The following TMEM132D variants were observed in gnomAD, a reference collection of about 807,000 sequenced individuals.
TMEM132D encodes mature OL transmembrane protein.
In TMEM132D, 21 loss-of-function variants were observed where a neutral mutation model predicts 62.3. That is an observed-to-expected ratio of 0.34 (90% CI 0.24 to 0.49). The LOEUF (loss-of-function observed/expected upper bound fraction) is 0.49, where lower values mean the gene tolerates loss of function less well. Ranked by LOEUF, TMEM132D falls within the 20% of genes least tolerant of loss-of-function variation. The pLI is 0.99. For missense variants in TMEM132D, 1,346 were observed against 1,402.8 expected, an observed-to-expected ratio of 0.96 and a Z score of 0.65; for synonymous variants, 621 against 575.6, an observed-to-expected ratio of 1.08 and a Z score of -1.13.
intron 3 of TMEM132D, among the ~76,000 whole-genome samples, chr12:129,473,631 T>G (rs1188820123): frequency 6.6e-6 from 1 of 152,206 alleles, no homozygotes; most frequent in Non-Finnish European, 1.5e-5. Context: ...GCACCTGGCC[T>G]GGTTTTAGTT....
intron 5 of TMEM132D, among the ~76,000 whole-genome samples, chr12:129,204,251 G>C (rs1878784740): frequency 2.0e-5 from 3 of 151,970 alleles, no homozygotes; most frequent in Admixed American, 2.0e-4. Context: ...AGATTCAAGA[G>C]AATATCAAAC....
At chr12:129,407,157 C>A (rs1871815194) in intron 3 of TMEM132D, among the ~76,000 whole-genome samples, 2 of 152,230 alleles carry the variant, frequency 1.3e-5, no homozygotes, top group African/African-American at 4.8e-5. Flanking sequence ...TAGCTTGCTT[C>A]ATAGCACTTC....
chr12:129,158,953 C>T (rs1877320963), intron 5 of TMEM132D, among the ~76,000 whole-genome samples: 1 of 152,126 alleles, frequency 6.6e-6, no homozygotes, highest in Admixed American at 6.5e-5. Context: ...CCCTTTTAAA[C>T]CATCAGATCT....
intron 3 of TMEM132D, among the ~76,000 whole-genome samples, chr12:129,429,731 C>A (rs1254934085): frequency 1.6e-5 from 2 of 126,120 alleles, no homozygotes; most frequent in African/African-American, 5.7e-5. Flanking sequence ...CTATCCCTCC[C>A]CCCTCCCCCG....
chr12:129,681,113 G>A (rs1880766881), intron 2 of TMEM132D, among the ~76,000 whole-genome samples: 1 of 152,206 alleles, frequency 6.6e-6, no homozygotes, highest in Admixed American at 6.5e-5. Flanking sequence ...CAGCACAGCA[G>A]GGTAAGGGTA....
rs60029037 is a variant in TMEM132D at position 129,242,355 on chromosome 12, G to A, written c.1300-32692C>T. On this transcript the variant is annotated intron_variant, in intron 4 of 8. Transcript: ENST00000422113. ...TGCATAGAATGCAGGCATATGGATA[G>A]ATAGCTAGTGACCATTTTTATGTCT... 6.0e-3 allele frequency among the ~76,000 whole-genome samples: 908 copies of A among 152,314 alleles called. 12 individuals carry two copies. The highest frequency in any genetic ancestry group is 0.021 in the African/African-American group (866 of 41,562).
rs369850921 is a variant in TMEM132D, at chr12:129,772,732, G to C, written c.80-72034C>G. Among the ~76,000 whole-genome samples the C allele has an allele frequency of 2.8e-4, 43 of 152,340 alleles. 1 individual carries two copies. In the East Asian group the frequency reaches 6.9e-3, roughly 25 times the overall value. On this transcript the variant is annotated intron_variant, in intron 1 of 8. Transcript: ENST00000422113. ...AAGGACAAATCAGAGCCTCAAAAGA[G>C]AGCCTCTAAGCCAGCAGAGGCCCAG...
rs73414636 is a variant in TMEM132D at position 129,096,074 on chromosome 12, T to C, written c.1444-11372A>G. ...TGTTAAAGCTGCCATCGAGGACAACTGTCTACCTGGCAGCCTTCCCAGGTA... is the reference window on the plus strand; with the variant it reads ...TGTTAAAGCTGCCATCGAGGACAACCGTCTACCTGGCAGCCTTCCCAGGTA... On this transcript the variant is annotated intron_variant, in intron 5 of 8. Transcript: ENST00000422113. Among the ~76,000 whole-genome samples, 640 of 152,300 alleles carry C rather than the reference T, an allele frequency of 4.2e-3. 2 individuals carry two copies. The highest frequency in any genetic ancestry group is 0.015 in the African/African-American group (604 of 41,552).
chr12:129,818,050 G>A (rs1449058366), intron 1 of TMEM132D, among the ~76,000 whole-genome samples: 1 of 148,104 alleles, frequency 6.8e-6, no homozygotes, highest in African/African-American at 2.5e-5. Flanking sequence ...TGTGTGGTGT[G>A]AGATGTATGT....
intron 6 of TMEM132D, among the ~76,000 whole-genome samples, chr12:129,082,355 T>C (rs1057313186): frequency 6.6e-6 from 1 of 152,208 alleles, no homozygotes; most frequent in Admixed American, 6.5e-5. Flanking sequence ...GAAAAAGTTA[T>C]GGCAAAAGTG....
intron 1 of TMEM132D, among the ~76,000 whole-genome samples, chr12:129,708,171 C>T (rs760013092): frequency 1.3e-5 from 2 of 152,026 alleles, no homozygotes; most frequent in African/African-American, 2.4e-5. Flanking sequence ...GAGCTGAGAT[C>T]GCACCAGTGC....
At chr12:129,450,328 T>C (rs985604425) in intron 3 of TMEM132D, among the ~76,000 whole-genome samples, 3 of 152,216 alleles carry the variant, frequency 2.0e-5, no homozygotes, top group Non-Finnish European at 2.9e-5. Flanking sequence ...AGAGTTTTTA[T>C]AGTTTTGGGT....
At chr12:129,837,834 G>A (rs533275786) in intron 1 of TMEM132D, among the ~76,000 whole-genome samples, 11 of 152,262 alleles carry the variant, frequency 7.2e-5, no homozygotes, top group Admixed American at 2.6e-4. Context: ...AAATGGTTTC[G>A]TGCCACCTGC....
chr12:129,582,599 A>G (rs536673986), intron 2 of TMEM132D, among the ~76,000 whole-genome samples: 216 of 147,572 alleles, frequency 1.5e-3, no homozygotes, highest in Middle Eastern at 3.5e-3. Flanking sequence ...TACTTGTAAG[A>G]CGTGAGACTC....
chr12:129,328,502 T>C (rs1350215974), intron 4 of TMEM132D, among the ~76,000 whole-genome samples: 1 of 152,192 alleles, frequency 6.6e-6, no homozygotes, highest in Non-Finnish European at 1.5e-5. Context: ...TATGGGCCTT[T>C]AAAAGCATTG....
chr12:129,367,299 T>A (rs1224442905), intron 3 of TMEM132D, among the ~76,000 whole-genome samples: 4 of 152,238 alleles, frequency 2.6e-5, no homozygotes, highest in Non-Finnish European at 5.9e-5. Context: ...CTTACCACTT[T>A]CAGGTGGCTA....
At chr12:129,159,013 A>T (rs1203766222) in intron 5 of TMEM132D, among the ~76,000 whole-genome samples, 1 of 152,204 alleles carries the variant, frequency 6.6e-6, no homozygotes, top group Non-Finnish European at 1.5e-5. Flanking sequence ...AACCACCTCC[A>T]TTATCCAATC....
At chr12:129,822,454 C>T (rs1166023390) in intron 1 of TMEM132D, among the ~76,000 whole-genome samples, 2 of 152,240 alleles carry the variant, frequency 1.3e-5, no homozygotes, top group Non-Finnish European at 2.9e-5. Context: ...GGGAGTCACA[C>T]AGGACGCACT....
chr12:129,609,378 A>G (rs1164299929), intron 2 of TMEM132D, among the ~76,000 whole-genome samples: 6 of 152,180 alleles, frequency 3.9e-5, no homozygotes, highest in African/African-American at 1.4e-4. Flanking sequence ...AGAGTAGGAC[A>G]TAGTGCTACA....
Sources: allele counts gnomAD v4.1 joint callset (sites outside exome capture counted in the v4.1 genomes callset), GRCh38; gene constraint gnomAD v4.1.1; transcripts MANE v1.5; gene names NCBI Gene and HGNC (gene_info 2026-07-23, HGNC 2026-07-21).